Variants in FNDC3B observed in about 807,000 individuals in gnomAD.
FNDC3B encodes the protein fibronectin type III domain containing 3B, also known as fibronectin type III domain-containing protein 3B.
Under a neutral mutation model 151.5 loss-of-function variants are expected in FNDC3B, and 12 were observed. The ratio of observed to expected loss-of-function variants is 0.08; its 90% CI spans 0.05 to 0.13. FNDC3B has a LOEUF of 0.13. Ranked by LOEUF, FNDC3B falls within the 10% of genes least tolerant of loss-of-function variation. FNDC3B has a pLI of 1.00. For missense variants in FNDC3B, 1,214 were observed against 1,505.3 expected (o/e 0.81, Z 3.20); for synonymous variants, 528 against 549.0 (o/e 0.96, Z 0.54).
chr3:172,326,659 C>T (rs1732360333), intron 11 of FNDC3B, among the ~76,000 whole-genome samples: 3 of 152,152 alleles, frequency 2.0e-5, no homozygotes, highest in Admixed American at 2.0e-4. Flanking sequence ...CACAGTTCCC[C>T]TTCTCCTAAT....
At chr3:172,125,561 C>A (rs1299536107) in intron 2 of FNDC3B, among the ~76,000 whole-genome samples, 1 of 152,100 alleles carries the variant, frequency 6.6e-6, no homozygotes, top group Non-Finnish European at 1.5e-5. Context: ...CTTTTCTTCC[C>A]AAACCCCGTC....
At chr3:172,244,484 A>T (rs1044008983) in intron 4 of FNDC3B, among the ~76,000 whole-genome samples, 2 of 152,128 alleles carry the variant, frequency 1.3e-5, no homozygotes, top group Admixed American at 1.3e-4. Flanking sequence ...GGGGAGACTT[A>T]GGCATAATTT....
chr3:172,253,060 C>T lies in FNDC3B; in HGVS notation c.790+1519C>T, dbSNP rs927282267. On this transcript the variant is annotated intron_variant, in intron 6 of 25. Transcript: ENST00000415807. ...GATTTTCCTGAAGAGAATTTTTATCCGAAGAAAAACGAGAGAGAATGTATA... is the reference window on the plus strand; with the variant it reads ...GATTTTCCTGAAGAGAATTTTTATCTGAAGAAAAACGAGAGAGAATGTATA... Among the ~76,000 whole-genome samples, 9 of 152,108 alleles carry T rather than the reference C, an allele frequency of 5.9e-5. No homozygotes were observed. In the South Asian group the frequency reaches 6.2e-4, roughly 11 times the overall value.
chr3:172,288,503 G>A (rs1200529758), intron 7 of FNDC3B, among the ~76,000 whole-genome samples: 2 of 152,234 alleles, frequency 1.3e-5, no homozygotes, highest in African/African-American at 2.4e-5. Flanking sequence ...GGGCACAGAC[G>A]TAGTCAGTAT....
intron 2 of FNDC3B, chr3:172,127,159 G>A (rs755537737): frequency 6.8e-6 from 3 of 444,428 alleles, no homozygotes; most frequent in Admixed American, 2.5e-5. Context: ...TGAGAGACTT[G>A]TTACTGGTAG....
intron 11 of FNDC3B, among the ~76,000 whole-genome samples, chr3:172,325,799 A>AT (rs1732313203): frequency 6.6e-6 from 1 of 152,064 alleles, no homozygotes; most frequent in Non-Finnish European, 1.5e-5. Flanking sequence ...GTGAACATTA[A>AT]TTTTTTTCTT....
chr3:172,107,912 A>G (rs1719738642), intron 1 of FNDC3B, among the ~76,000 whole-genome samples: 1 of 152,094 alleles, frequency 6.6e-6, no homozygotes, highest in South Asian at 2.1e-4. Flanking sequence ...ATTAAAATTA[A>G]GCATAAGAAC....
chr3:172,106,070 T>C (rs1183960712), intron 1 of FNDC3B, among the ~76,000 whole-genome samples: 1 of 152,220 alleles, frequency 6.6e-6, no homozygotes, highest in Non-Finnish European at 1.5e-5. Flanking sequence ...TCAAGTTGCT[T>C]TATGGGTGCT....
At chr3:172,315,114 C>T (rs756720234) in intron 11 of FNDC3B, among the ~76,000 whole-genome samples, 12 of 152,198 alleles carry the variant, frequency 7.9e-5, no homozygotes, top group Admixed American at 5.9e-4. Context: ...CGGTGGCTCA[C>T]GCCTGTAATC....
intron 13 of FNDC3B, 129 bp from the exon 14 acceptor site, chr3:172,332,960 G>A: frequency 1.4e-6 from 1 of 729,886 alleles, no homozygotes; most frequent in Non-Finnish European, 2.5e-6. Context: ...TCTCTTTTGC[G>A]GTAGCTGCCA....
At chr3:172,150,108 C>A (rs1034822562) in intron 3 of FNDC3B, among the ~76,000 whole-genome samples, 1 of 152,058 alleles carries the variant, frequency 6.6e-6, no homozygotes, top group Non-Finnish European at 1.5e-5. Flanking sequence ...TGAGCCACCA[C>A]GCCCAGCCAT....
intron 11 of FNDC3B, among the ~76,000 whole-genome samples, chr3:172,320,970 A>G (rs1732051508): frequency 6.6e-6 from 1 of 152,252 alleles, no homozygotes; most frequent in Admixed American, 6.5e-5. Context: ...CACAACAAAT[A>G]TATTTTTAAA....
chr3:172,277,534 G>C (rs1219060077), intron 6 of FNDC3B, among the ~76,000 whole-genome samples: 8 of 152,212 alleles, frequency 5.3e-5, no homozygotes, highest in African/African-American at 1.4e-4. Flanking sequence ...TCACTTTAGC[G>C]CGTAGGGTTT....
At chr3:172,225,683 C>T (rs7428410) in intron 3 of FNDC3B, 42,320 of 171,334 alleles carry the variant, frequency 0.25, 5,635 homozygotes, top group East Asian at 0.47. Context: ...AGATGAAGAG[C>T]GGACTCCTTT....
Position 172,298,782 on chromosome 3 carries a change from T to C in FNDC3B, c.1056T>C (p.His352=), listed in dbSNP as rs200343938. The C allele has an allele frequency of 1.0e-4, 161 of 1,606,992 alleles. No homozygotes were observed. Among genetic ancestry groups the C allele is most frequent in the Middle Eastern group, 1.6e-4 (1 of 6,074 alleles). The stretch of plus-strand genomic sequence containing the variant: ...ATCTTAGACCAGCAACAGATTATCA[T>C]GTGAGGTGAGTTAGGATATAAGAGC... The part of the protein sequence containing the change: ...LKDLRPATDY[H]VRVYAMYNSV... Residue 352 remains histidine (H), a synonymous_variant, in exon 9 of 26, where the codon CAT becomes CAC. Coordinates refer to ENST00000415807, the MANE Select transcript of FNDC3B (RefSeq NM_022763.4).
rs494572 is a variant in FNDC3B at position 172,397,676 on chromosome 3, T to A, written c.*201T>A. The A allele has an allele frequency of 0.75, 246,376 of 330,066 alleles. 92,049 individuals are homozygous for A. The highest frequency in any genetic ancestry group is 0.86 in the East Asian group (18,226 of 21,108). 20.4% of individuals were successfully genotyped at this position (330,066 alleles called of 1,614,324 possible). On this transcript the variant is annotated 3_prime_UTR_variant, in exon 26 of 26. Coordinates refer to ENST00000415807, the MANE Select transcript of FNDC3B (RefSeq NM_022763.4). ...AAAGGTTAAACTGGATTTTTTTTTT[T>A]AAAAAAAAGAAAAAAAAAGAAGAAA...
rs1363599061 is a variant in FNDC3B, at chr3:172,352,970, C to T, written c.2682C>T (p.Cys894=). 2 of 1,614,158 alleles carry T rather than the reference C, an allele frequency of 1.2e-6. No homozygotes were observed. The highest frequency in any genetic ancestry group is 1.7e-6 in the Non-Finnish European group (2 of 1,180,028). Residue 894 remains cysteine (C), a synonymous_variant, in exon 22 of 26, where the codon TGC becomes TGT. Transcript: ENST00000415807. This position sits in a 1 kb window ranked among gnomAD's most constrained non-coding sequence, Gnocchi z 4.2. ...TTGTACTGAACTGGGAAGAGCCGTG[C>T]AATAACGGATCTGAAATCCTTGCTT... ...ACLVLNWEEP[C]NNGSEILAYT...
intron 19 of FNDC3B, chr3:172,346,115 A>G: frequency 6.5e-6 from 2 of 307,304 alleles, no homozygotes; most frequent in Non-Finnish European, 1.2e-5. Context: ...TAAAAAAATG[A>G]CAGACATCTA....
chr3:172,319,013 A>G (rs1351215066), intron 11 of FNDC3B, among the ~76,000 whole-genome samples: 1 of 152,226 alleles, frequency 6.6e-6, no homozygotes, highest in African/African-American at 2.4e-5. Flanking sequence ...TCAGAGATCC[A>G]CACACCTGTA....
Sources: gnomAD v4.1 joint callset for allele counts (sites outside exome capture counted in the v4.1 genomes callset) on GRCh38, gnomAD v4.1.1 for gene constraint, Gnocchi (gnomAD v3.1) non-coding constraint, MANE v1.5 for transcripts, NCBI Gene and HGNC (gene_info 2026-07-23, HGNC 2026-07-21) for gene names.